CRACD: variants seen among roughly 807,000 people sequenced by gnomAD.
CRACD encodes capping protein-inhibiting regulator of actin dynamics.
A neutral mutation model predicts 106.8 loss-of-function variants in CRACD; 56 were observed. The observed-to-expected ratio is 0.52, with a 90% CI of 0.42 to 0.66. The LOEUF (loss-of-function observed/expected upper bound fraction) is 0.66. CRACD is among the 30% of genes least tolerant of loss of function. CRACD has a pLI of 0.00. For missense variants in CRACD, 1,730 were observed against 1,623.2 expected, an observed-to-expected ratio of 1.07 and a Z score of -1.13; for synonymous variants, 754 against 670.8, an observed-to-expected ratio of 1.12 and a Z score of -1.92.
intron 2 of CRACD, among the ~76,000 whole-genome samples, chr4:56,220,563 G>A (rs950014634): frequency 3.3e-5 from 5 of 152,078 alleles, no homozygotes; most frequent in African/African-American, 1.2e-4. Flanking sequence ...CTGGAATGGA[G>A]GCAAACCAAT....
intron 2 of CRACD, among the ~76,000 whole-genome samples, chr4:56,181,813 T>A (rs551389051): frequency 2.0e-5 from 3 of 152,256 alleles, no homozygotes; most frequent in East Asian, 3.9e-4. Flanking sequence ...CCTCTTCTTA[T>A]AAGGACACCA....
At position 56,329,466 on chromosome 4, in the gene CRACD, A is replaced by C. The variant is rs1164475657; in HGVS notation, c.*1662A>C. On this transcript the variant is annotated 3_prime_UTR_variant, in exon 11 of 11. Coordinates refer to ENST00000682029, the MANE Select transcript of CRACD (RefSeq NM_001393381.1). ...ACCATGTAGAAACCATTTTCTTTCT[A>C]GAAACAATAGCTCAGCCTCACTGTA... Among the ~76,000 whole-genome samples, 2 of 152,234 alleles carry C rather than the reference A, an allele frequency of 1.3e-5. No individual in the cohort carries two copies. The highest frequency in any genetic ancestry group is 2.9e-5 in the Non-Finnish European group (2 of 68,034).
chr4:56,299,129 C>T (rs567314524), intron 4 of CRACD, among the ~76,000 whole-genome samples: 21 of 152,244 alleles, frequency 1.4e-4, no homozygotes, highest in African/African-American at 3.4e-4. Context: ...TTGTAAATCT[C>T]GCCACCCTAA....
intron 1 of CRACD, among the ~76,000 whole-genome samples, chr4:56,143,524 A>G (rs138842039): frequency 1.3e-5 from 2 of 152,202 alleles, no homozygotes; most frequent in Admixed American, 1.3e-4. Flanking sequence ...TTGAATATTA[A>G]TATCTATTTT....
At chr4:56,121,703 A>G (rs1276593286) in intron 1 of CRACD, among the ~76,000 whole-genome samples, 1 of 152,210 alleles carries the variant, frequency 6.6e-6, no homozygotes, top group Non-Finnish European at 1.5e-5. Flanking sequence ...GGTTACATGA[A>G]CAGAGGTCTA....
chr4:56,057,659 C>CT (rs1429907415), intron 1 of CRACD, among the ~76,000 whole-genome samples: 2 of 138,684 alleles, frequency 1.4e-5, no homozygotes, highest in Non-Finnish European at 3.0e-5. Context: ...GACGGAGTCT[C>CT]TGTCATTCAG....
rs769122340 is a variant in CRACD, at chr4:56,248,047, G to A, written c.-188-24274G>A. On this transcript the variant is annotated intron_variant, in intron 2 of 10. Transcript: ENST00000682029. ...AAACATCACAGCAGCACCAGAATGT[G>A]GAATGAATCTTTCCAGTGGTGGGAC... 1.5e-4 allele frequency among the ~76,000 whole-genome samples: 23 copies of A among 152,252 alleles called. No individual in the cohort carries two copies. The South Asian group carries it at 3.3e-3, about 22-fold the overall frequency.
chr4:56,130,708 A>G (rs1157649012), intron 1 of CRACD, among the ~76,000 whole-genome samples: 1 of 152,094 alleles, frequency 6.6e-6, no homozygotes, highest in Non-Finnish European at 1.5e-5. Context: ...TAGTAATGTC[A>G]TAGTTGTTTT....
chr4:56,286,013 C>G (rs550852838), intron 3 of CRACD, among the ~76,000 whole-genome samples: 1 of 152,106 alleles, frequency 6.6e-6, no homozygotes, highest in African/African-American at 2.4e-5. Context: ...CCTTAAATGC[C>G]AAGCAACCAC....
intron 1 of CRACD, among the ~76,000 whole-genome samples, chr4:56,075,592 C>A (rs575693336): frequency 5.9e-5 from 9 of 152,018 alleles, no homozygotes; most frequent in Non-Finnish European, 1.5e-5. Flanking sequence ...AAAAAGAAAC[C>A]ATTAGCAATC....
At chr4:56,190,601 T>G (rs911139187) in intron 2 of CRACD, among the ~76,000 whole-genome samples, 1 of 152,240 alleles carries the variant, frequency 6.6e-6, no homozygotes, top group South Asian at 2.1e-4. Flanking sequence ...CATGCTGATA[T>G]AAGAGGTGGG....
At chr4:56,119,772 T>C (rs1453420526) in intron 1 of CRACD, among the ~76,000 whole-genome samples, 9 of 152,206 alleles carry the variant, frequency 5.9e-5, no homozygotes, top group Non-Finnish European at 5.9e-5. Flanking sequence ...CTAGCTTTAA[T>C]TGGACGCTTG....
intron 2 of CRACD, among the ~76,000 whole-genome samples, chr4:56,179,746 A>G (rs1300549375): frequency 1.3e-5 from 2 of 151,124 alleles, no homozygotes; most frequent in Non-Finnish European, 3.0e-5. Context: ...ACCCGGGTGC[A>G]GTGGCTTGCA....
intron 1 of CRACD, among the ~76,000 whole-genome samples, chr4:56,056,598 C>A (rs552519200): frequency 7.0e-5 from 10 of 142,512 alleles, no homozygotes; most frequent in East Asian, 2.0e-4. Flanking sequence ...AAAAAAAAAC[C>A]AAAAAAAAAA....
At position 56,315,308 on chromosome 4, in the gene CRACD, G is replaced by T. The variant is rs1477484414; in HGVS notation, c.1806G>T (p.Gln602His). The T allele has an allele frequency of 1.9e-6, 3 of 1,613,796 alleles. No individual in the cohort carries two copies. Among genetic ancestry groups the T allele is most frequent in the African/African-American group, 1.3e-5 (1 of 74,940 alleles). ...PHTAILVTGA[Q>H]LCGPAVNLSQ... ...CCGCCATTCTGGTCACGGGCGCGCA[G>T]CTCTGTGGCCCGGCAGTCAACCTGA... Residue 602 changes from glutamine to histidine, a missense_variant, in exon 8 of 11, where the codon CAG becomes CAT. Coordinates refer to ENST00000682029, the MANE Select transcript of CRACD (RefSeq NM_001393381.1). This position sits in a 1 kb window ranked among gnomAD's most constrained non-coding sequence, Gnocchi z 4.1.
At chr4:56,055,796 G>T (rs1288382547) in intron 1 of CRACD, among the ~76,000 whole-genome samples, 2 of 152,100 alleles carry the variant, frequency 1.3e-5, no homozygotes, top group Non-Finnish European at 2.9e-5. Flanking sequence ...AGTTAGCTTT[G>T]CTTTGTTCTG....
intron 2 of CRACD, among the ~76,000 whole-genome samples, chr4:56,213,556 G>A (rs1030986251): frequency 1.3e-5 from 2 of 152,188 alleles, no homozygotes; most frequent in Non-Finnish European, 2.9e-5. Context: ...CCAGGCCAGA[G>A]TACATTCAGA....
rs1454145051 is a variant in CRACD at position 56,259,196 on chromosome 4, C to G, written c.-188-13125C>G. Among the ~76,000 whole-genome samples the G allele has an allele frequency of 2.6e-5, 4 of 152,098 alleles. No individual in the cohort carries two copies. In the East Asian group the frequency reaches 7.7e-4, roughly 29 times the overall value. ...AATGGCATGCAGGGGAGGGAGCAAG[C>G]AGATGTGAGGTCTGCATGACTCACT... On this transcript the variant is annotated intron_variant, in intron 2 of 10. Coordinates refer to ENST00000682029, the MANE Select transcript of CRACD (RefSeq NM_001393381.1).
At chr4:56,189,640 C>T (rs1737272306) in intron 2 of CRACD, among the ~76,000 whole-genome samples, 1 of 143,868 alleles carries the variant, frequency 7.0e-6, no homozygotes, top group Non-Finnish European at 1.5e-5. Flanking sequence ...TGAGTGAGAA[C>T]ATGCGGTGTT....
Sources: allele counts gnomAD v4.1 joint callset (sites outside exome capture counted in the v4.1 genomes callset), GRCh38; gene constraint gnomAD v4.1.1; non-coding constraint Gnocchi (gnomAD v3.1); transcripts MANE v1.5; gene names NCBI Gene and HGNC (gene_info 2026-07-23, HGNC 2026-07-21).